The following QTMAN variants were observed in gnomAD, a reference collection of about 807,000 sequenced individuals.
QTMAN encodes queuosine-tRNA mannosyltransferase, also known as tRNA-queuosine alpha-mannosyltransferase.
chr2:144,040,998 A>C, the QTMAN span, among the ~76,000 whole-genome samples: 1 of 152,232 alleles, frequency 6.6e-6, no homozygotes, highest in Admixed American at 6.5e-5. Flanking sequence ...ATTTATCTTC[A>C]GAGTTTGTCA....
At chr2:144,234,438 T>C in the QTMAN span, among the ~76,000 whole-genome samples, 148 of 152,258 alleles carry the variant, frequency 9.7e-4, no homozygotes, top group Middle Eastern at 6.8e-3. Flanking sequence ...GTCTATTTTC[T>C]ACAAACCAAA....
chr2:144,172,786 G>C, the QTMAN span, among the ~76,000 whole-genome samples: 1 of 152,026 alleles, frequency 6.6e-6, no homozygotes, highest in East Asian at 1.9e-4. Context: ...CCTACTAGTA[G>C]AGATGCCTCA....
the QTMAN span, among the ~76,000 whole-genome samples, chr2:144,273,612 T>C: frequency 6.6e-6 from 1 of 152,074 alleles, no homozygotes; most frequent in Non-Finnish European, 1.5e-5. Context: ...ATGGAGTAAA[T>C]TCATGATCAA....
chr2:143,980,413 T>C, the QTMAN span, among the ~76,000 whole-genome samples: 3 of 152,332 alleles, frequency 2.0e-5, no homozygotes, highest in East Asian at 1.9e-4. Flanking sequence ...GTCTGTTACA[T>C]TGTAAGTTCC....
chr2:143,950,982 C>A, the QTMAN span: 2 of 151,616 alleles, frequency 1.3e-5, no homozygotes, highest in Non-Finnish European at 3.0e-5. Flanking sequence ...ATTTTTGGTT[C>A]TCTCTCTTTT....
the QTMAN span, among the ~76,000 whole-genome samples, chr2:144,321,886 C>A: frequency 9.9e-5 from 15 of 152,038 alleles, no homozygotes; most frequent in East Asian, 2.9e-3. Context: ...TCACTACAAC[C>A]CTGAAGTAAT....
At chr2:144,059,711 T>C in the QTMAN span, among the ~76,000 whole-genome samples, 51 of 152,074 alleles carry the variant, frequency 3.4e-4, no homozygotes, top group Non-Finnish European at 6.6e-4. Flanking sequence ...GACAAGGCCA[T>C]CCCCACCTTA....
At chr2:143,961,369 T>C in the QTMAN span, among the ~76,000 whole-genome samples, 33 of 152,236 alleles carry the variant, frequency 2.2e-4, no homozygotes, top group Non-Finnish European at 3.1e-4. Flanking sequence ...TATACAACTA[T>C]AGGAACTGAA....
chr2:144,118,914 T>C, the QTMAN span, among the ~76,000 whole-genome samples: 1 of 152,150 alleles, frequency 6.6e-6, no homozygotes, highest in South Asian at 2.1e-4. Flanking sequence ...AATTTAAAAA[T>C]ATGGATCGTG....
the QTMAN span, chr2:144,178,270 C>G: frequency 6.6e-6 from 1 of 152,158 alleles, no homozygotes; most frequent in Admixed American, 6.5e-5. Flanking sequence ...GGAGATTCTT[C>G]ACGCTTATCC....
the QTMAN span, among the ~76,000 whole-genome samples, chr2:144,280,878 G>A: frequency 6.6e-6 from 1 of 151,490 alleles, no homozygotes; most frequent in African/African-American, 2.4e-5. Context: ...ACAACCCTAT[G>A]AAATTCATGC....
At chr2:144,317,431 A>AAGGAAGGAAGGAAGGG in the QTMAN span, 5 of 151,598 alleles carry the variant, frequency 3.3e-5, no homozygotes, top group African/African-American at 4.9e-5. Context: ...GGAAGGAAGG[A>AAGGAAGGAAGGAAGGG]AGGGACAATA....
At chr2:144,172,474 A>T in the QTMAN span, among the ~76,000 whole-genome samples, 1 of 151,992 alleles carries the variant, frequency 6.6e-6, no homozygotes, top group Non-Finnish European at 1.5e-5. Flanking sequence ...TACAAAAAAA[A>T]TTAGCAGGGC....
At chr2:144,312,420 TA>T in the QTMAN span, among the ~76,000 whole-genome samples, 1 of 152,146 alleles carries the variant, frequency 6.6e-6, no homozygotes, top group Non-Finnish European at 1.5e-5. Context: ...TCCATCCAGA[TA>T]ACTCAAGTCT....
At chr2:144,156,415 T>C in the QTMAN span, among the ~76,000 whole-genome samples, 6,956 of 152,152 alleles carry the variant, frequency 0.046, 530 homozygotes, top group African/African-American at 0.16. Context: ...GAGAGTGAAA[T>C]GTTTAATAAT....
chr2:144,235,671 CT>C, the QTMAN span: 1 of 152,548 alleles, frequency 6.6e-6, no homozygotes, highest in Non-Finnish European at 1.5e-5. Flanking sequence ...GTCCCATCTG[CT>C]TACCTGATGA....
the QTMAN span, among the ~76,000 whole-genome samples, chr2:144,149,256 T>C: frequency 6.6e-6 from 1 of 151,950 alleles, no homozygotes; most frequent in Non-Finnish European, 1.5e-5. Flanking sequence ...CACAAGGTGA[T>C]AGCAAAAACC....
chr2:144,057,646 T>C, the QTMAN span, among the ~76,000 whole-genome samples: 34 of 152,352 alleles, frequency 2.2e-4, no homozygotes, highest in Admixed American at 1.2e-3. Flanking sequence ...TGTTGATTTT[T>C]AAAGCTTTAA....
At chr2:144,039,855 G>T in the QTMAN span, among the ~76,000 whole-genome samples, 11 of 152,168 alleles carry the variant, frequency 7.2e-5, no homozygotes, top group African/African-American at 2.4e-4. Context: ...TCTTTTTAAA[G>T]GTGATCCAGT....
Sources: gnomAD v4.1 joint callset for allele counts (sites outside exome capture counted in the v4.1 genomes callset) on GRCh38, gnomAD v4.1.1 for gene constraint, MANE v1.5 for transcripts, NCBI Gene and HGNC (gene_info 2026-07-23, HGNC 2026-07-21) for gene names.